Variants in MMD2 observed in about 807,000 individuals in gnomAD.
The protein encoded by MMD2 is monocyte to macrophage differentiation associated 2, also known as monocyte to macrophage differentiation factor 2.
A neutral mutation model predicts 33.5 loss-of-function variants in MMD2; 30 were observed. That is an observed-to-expected ratio of 0.90 (90% CI 0.67 to 1.22). MMD2 has a LOEUF of 1.22. MMD2 is among the 50% of genes most tolerant of loss of function. The pLI is 0.00. For missense variants in MMD2, 364 were observed against 325.4 expected, an observed-to-expected ratio of 1.12 and a Z score of -0.91; for synonymous variants, 129 against 123.0, an observed-to-expected ratio of 1.05 and a Z score of -0.32.
rs1786097294 is a variant in MMD2 at position 4,946,755 on chromosome 7, A to G, written c.47+12216T>C. ...TTTCTTCCTTCTTATTTTTAGAGAC[A>G]GGGTCTGGTTCTGTTGCCCAAGCTG... On this transcript the variant is annotated intron_variant, in intron 1 of 6. Transcript: ENST00000401401. The surrounding 1 kb of genome is among the most constrained non-coding windows in gnomAD (Gnocchi z 5.0). Among the ~76,000 whole-genome samples, 1 of 152,150 alleles carries G rather than the reference A, an allele frequency of 6.6e-6. No homozygotes were observed. Among genetic ancestry groups the G allele is most frequent in the African/African-American group, 2.4e-5 (1 of 41,428 alleles).
At chr7:4,908,626 A>G (rs1032062675) in intron 6 of MMD2, among the ~76,000 whole-genome samples, 12 of 151,776 alleles carry the variant, frequency 7.9e-5, no homozygotes, top group Non-Finnish European at 1.5e-4. Context: ...AAGGCCGGGC[A>G]CGGTGGCTCA....
At chr7:4,897,032 G>T in the MMD2 span, among the ~76,000 whole-genome samples, 1 of 151,826 alleles carries the variant, frequency 6.6e-6, no homozygotes, top group South Asian at 2.1e-4. Context: ...GCTAATTTTT[G>T]TATTTTTAGT....
At chr7:4,894,729 C>T in the MMD2 span, among the ~76,000 whole-genome samples, 8 of 152,212 alleles carry the variant, frequency 5.3e-5, no homozygotes, top group South Asian at 8.3e-4. The surrounding 1 kb of genome is among the most constrained non-coding windows in gnomAD (Gnocchi z 4.3). Flanking sequence ...ACGCTGGAAC[C>T]GGCCAGTCAT....
At chr7:4,957,664 A>G (rs1371695476) in intron 1 of MMD2, among the ~76,000 whole-genome samples, 1 of 151,622 alleles carries the variant, frequency 6.6e-6, no homozygotes, top group East Asian at 1.9e-4. Context: ...AAAAAAAAAA[A>G]GTAAGTCCAG....
chr7:4,899,859 C>A, the MMD2 span, among the ~76,000 whole-genome samples: 2 of 152,276 alleles, frequency 1.3e-5, no homozygotes, highest in Non-Finnish European at 2.9e-5. Flanking sequence ...CCCATAAGGG[C>A]TGCTGGCCCC....
the MMD2 span, among the ~76,000 whole-genome samples, chr7:4,894,616 C>A: frequency 6.6e-6 from 1 of 152,114 alleles, no homozygotes; most frequent in African/African-American, 2.4e-5. The surrounding 1 kb of genome is among the most constrained non-coding windows in gnomAD (Gnocchi z 4.3). Flanking sequence ...TGACTCCCTT[C>A]GTGGGCGGGA....
intron 1 of MMD2, among the ~76,000 whole-genome samples, chr7:4,952,412 A>C (rs937996696): frequency 1.3e-5 from 2 of 152,010 alleles, no homozygotes; most frequent in East Asian, 1.9e-4. Flanking sequence ...TCAGCTCTTC[A>C]GTCAAGGAGG....
intron 1 of MMD2, among the ~76,000 whole-genome samples, chr7:4,953,634 C>T (rs1786309331): frequency 6.6e-6 from 1 of 151,278 alleles, no homozygotes; most frequent in Non-Finnish European, 1.5e-5. Flanking sequence ...CCACACCCGG[C>T]TAATTTTTGT....
At chr7:4,913,334 C>G (rs79248276) in intron 4 of MMD2, among the ~76,000 whole-genome samples, 1 of 152,158 alleles carries the variant, frequency 6.6e-6, no homozygotes, top group South Asian at 2.1e-4. Flanking sequence ...TGGACACTTA[C>G]AAATTTTGCT....
intron 2 of MMD2, among the ~76,000 whole-genome samples, chr7:4,923,921 GGCGGCTCACA>G (rs1785351316): frequency 6.6e-6 from 1 of 151,926 alleles, no homozygotes; most frequent in African/African-American, 2.4e-5. Context: ...AGGCCAAGGC[GGCGGCTCACA>G]CCTGTAATCC....
At chr7:4,921,949 G>C (rs1166836701) in intron 2 of MMD2, among the ~76,000 whole-genome samples, 5 of 152,156 alleles carry the variant, frequency 3.3e-5, no homozygotes, top group Non-Finnish European at 7.3e-5. Context: ...TTCTGGCCGG[G>C]TGCGGTGGCT....
intron 1 of MMD2, among the ~76,000 whole-genome samples, chr7:4,927,644 T>G (rs1583376785): frequency 6.6e-6 from 1 of 152,124 alleles, no homozygotes; most frequent in Non-Finnish European, 1.5e-5. Flanking sequence ...GAGGCAGAAG[T>G]TGCAGTGAGC....
the MMD2 span, among the ~76,000 whole-genome samples, chr7:4,893,841 A>G: frequency 1.3e-5 from 2 of 152,206 alleles, no homozygotes; most frequent in Non-Finnish European, 2.9e-5. Flanking sequence ...GTAAACTGTC[A>G]TGATGCCAGT....
intron 1 of MMD2, among the ~76,000 whole-genome samples, chr7:4,954,342 G>A (rs1214376758): frequency 6.6e-6 from 1 of 152,062 alleles, no homozygotes; most frequent in Admixed American, 6.6e-5. Context: ...GTTGGTTAAA[G>A]GTGTTGCAAA....
At chr7:4,945,418 G>A (rs538280113) in intron 1 of MMD2, among the ~76,000 whole-genome samples, 4 of 147,238 alleles carry the variant, frequency 2.7e-5, no homozygotes, top group South Asian at 2.2e-4. Flanking sequence ...ACAGGTGCCC[G>A]CCACCATGCC....
chr7:4,913,115 T>TAA (rs1358095869), intron 4 of MMD2, among the ~76,000 whole-genome samples: 3 of 151,920 alleles, frequency 2.0e-5, no homozygotes, highest in Non-Finnish European at 2.9e-5. Context: ...AGTTTAAGAG[T>TAA]AAAAAATAAT....
At chr7:4,921,586 A>C (rs1785286226) in intron 2 of MMD2, among the ~76,000 whole-genome samples, 1 of 145,362 alleles carries the variant, frequency 6.9e-6, no homozygotes, top group African/African-American at 2.6e-5. Context: ...GCGCCACTGC[A>C]CTCCAGCCTG....
chr7:4,906,353 C>T lies in MMD2; in HGVS notation c.*1043G>A, dbSNP rs1784867064. ...AGAGGTTGGGAGGACCTGGAACAGT[C>T]GCCCCAGATCCATGTGCCTTCTGTT... On this transcript the variant is annotated 3_prime_UTR_variant, in exon 7 of 7. Coordinates refer to ENST00000401401, the MANE Select transcript of MMD2 (RefSeq NM_198403.4). The T allele has an allele frequency of 7.6e-6, 3 of 395,930 alleles. No individual in the cohort carries two copies. The highest frequency in any genetic ancestry group is 3.6e-5 in the East Asian group (1 of 27,978). The allele number at this position is 395,930 out of a possible 1,614,324, so 24.5% of individuals were successfully genotyped here.
In MMD2 at chr7:4,946,973, C is replaced by T. The variant is rs2942552; in HGVS notation, c.47+11998G>A. 6.6e-6 allele frequency among the ~76,000 whole-genome samples: 1 copy of T among 151,966 alleles called. No homozygotes were observed. Among genetic ancestry groups the T allele is most frequent in the Non-Finnish European group, 1.5e-5 (1 of 68,006 alleles). ...CTGTAATCCCAGCACTTTGGGAGAC[C>T]GAGATGGGCCGATCACCTGAGGTCA... On this transcript the variant is annotated intron_variant, in intron 1 of 6. Transcript: ENST00000401401. This position sits in a 1 kb window ranked among gnomAD's most constrained non-coding sequence, Gnocchi z 5.0.
Sources: allele counts gnomAD v4.1 joint callset (sites outside exome capture counted in the v4.1 genomes callset), GRCh38; gene constraint gnomAD v4.1.1; non-coding constraint Gnocchi (gnomAD v3.1); transcripts MANE v1.5; gene names NCBI Gene and HGNC (gene_info 2026-07-23, HGNC 2026-07-21).